The following ST8SIA6 variants were observed in gnomAD, a reference collection of about 807,000 sequenced individuals.
ST8SIA6 encodes the protein alpha-2,8-sialyltransferase 8F.
ST8SIA6 carries 39 observed loss-of-function variants against 33.6 expected under a neutral mutation model. The observed-to-expected ratio is 1.16, with a 90% CI of 0.90 to 1.52. ST8SIA6 has a LOEUF of 1.52. Among genes scored for constraint, ST8SIA6 ranks in the 40% most tolerant of loss-of-function variants. The pLI is 0.00. For synonymous variants in ST8SIA6, 172 were observed against 167.2 expected (o/e 1.03, Z -0.22); for missense variants, 441 against 443.8 (o/e 0.99, Z 0.06).
chr10:17,415,781 A>G (rs536165564), intron 2 of ST8SIA6, among the ~76,000 whole-genome samples: 1 of 149,324 alleles, frequency 6.7e-6, no homozygotes, highest in Admixed American at 6.7e-5. Flanking sequence ...CATGTTCCAA[A>G]TTCAATGGAC....
At chr10:17,404,899 A>G (rs1251545311) in intron 2 of ST8SIA6, among the ~76,000 whole-genome samples, 2 of 152,230 alleles carry the variant, frequency 1.3e-5, no homozygotes, top group Non-Finnish European at 1.5e-5. Flanking sequence ...TTGCAATTCT[A>G]TAAATTGTGC....
chr10:17,372,295 G>A (rs1223934322), intron 3 of ST8SIA6, among the ~76,000 whole-genome samples: 1 of 152,188 alleles, frequency 6.6e-6, no homozygotes, highest in Non-Finnish European at 1.5e-5. Context: ...AGGAACGTGT[G>A]TTACTATTTT....
At chr10:17,327,306 G>C (rs1848163599) in intron 5 of ST8SIA6, among the ~76,000 whole-genome samples, 180 bp from the exon 6 acceptor site, 1 of 152,198 alleles carries the variant, frequency 6.6e-6, no homozygotes, top group Non-Finnish European at 1.5e-5. Flanking sequence ...ACCAGCTGGG[G>C]CTGGGCGCAG....
chr10:17,412,961 T>C (rs1431419509), intron 2 of ST8SIA6, among the ~76,000 whole-genome samples: 1 of 152,202 alleles, frequency 6.6e-6, no homozygotes, highest in Non-Finnish European at 1.5e-5. Context: ...CTATGTACAT[T>C]ATTATGCATC....
chr10:17,445,057 T>A (rs1269685375), intron 2 of ST8SIA6, among the ~76,000 whole-genome samples: 1 of 152,162 alleles, frequency 6.6e-6, no homozygotes, highest in Non-Finnish European at 1.5e-5. Flanking sequence ...CCTTCATCTA[T>A]TTGGAGCATG....
chr10:17,400,582 A>T (rs1460551672), intron 2 of ST8SIA6, among the ~76,000 whole-genome samples: 1 of 152,002 alleles, frequency 6.6e-6, no homozygotes, highest in African/African-American at 2.4e-5. Context: ...CTTATCCACC[A>T]TGATCAAGTG....
At chr10:17,345,020 T>C (rs1210905956) in intron 4 of ST8SIA6, among the ~76,000 whole-genome samples, 1 of 145,346 alleles carries the variant, frequency 6.9e-6, no homozygotes, top group Admixed American at 6.8e-5. Context: ...TCCCATCCCA[T>C]GGAGAACTCT....
Position 17,390,525 on chromosome 10 carries a change from ACT to A in ST8SIA6, c.290+4_290+5del. 1 of 1,607,040 alleles carries A rather than the reference ACT, an allele frequency of 6.2e-7. No individual in the cohort carries two copies. The highest frequency in any genetic ancestry group is 1.1e-5 in the South Asian group (1 of 90,614). ...AAGGAAATTAAATGTGAAGAGTAGA[ACT>A]TACCCTTTCGTTTTGTTAGAGAAAG... On this transcript the variant is annotated splice_donor_5th_base_variant and intron_variant, in intron 3 of 7. Coordinates refer to ENST00000377602, the MANE Select transcript of ST8SIA6 (RefSeq NM_001004470.3).
intron 3 of ST8SIA6, among the ~76,000 whole-genome samples, chr10:17,386,534 C>G (rs1440619650): frequency 6.6e-6 from 1 of 152,090 alleles, no homozygotes; most frequent in Non-Finnish European, 1.5e-5. Context: ...GAGACTGTCT[C>G]CAAGAAAAAA....
At chr10:17,323,683 C>T (rs547093025) in intron 6 of ST8SIA6, among the ~76,000 whole-genome samples, 16 of 151,932 alleles carry the variant, frequency 1.1e-4, no homozygotes, top group African/African-American at 3.1e-4. Flanking sequence ...CTGTGCCCGG[C>T]GAAAATTACA....
intron 4 of ST8SIA6, among the ~76,000 whole-genome samples, chr10:17,342,208 G>A (rs1471502087): frequency 1.3e-5 from 2 of 152,076 alleles, no homozygotes; most frequent in Non-Finnish European, 2.9e-5. Flanking sequence ...AATTTGCAAA[G>A]TATTAAATAC....
Position 17,325,400 on chromosome 10 carries a change from ATATG to A in ST8SIA6, c.635+1610_635+1613del, listed in dbSNP as rs1394163631. On this transcript the variant is annotated intron_variant, in intron 6 of 7. Transcript: ENST00000377602. ...TATGTATTACAGTATACGACAGTAT[ATATG>A]TGATTATATATATTACTACTACTGT... Among the ~76,000 whole-genome samples the A allele has an allele frequency of 2.0e-5, 3 of 146,692 alleles. No individual in the cohort carries two copies. In the Admixed American group the frequency reaches 2.1e-4, roughly 10 times the overall value.
chr10:17,327,002 G>T lies in ST8SIA6; in HGVS notation c.635+12C>A. 6.4e-7 allele frequency: 1 copy of T among 1,568,978 alleles called. No homozygotes were observed. The highest frequency in any genetic ancestry group is 8.7e-7 in the Non-Finnish European group (1 of 1,153,492). On this transcript the variant is annotated intron_variant, in intron 6 of 7. Transcript: ENST00000377602. ...TCTATTGTTTCAAAGAAACCAATTT[G>T]TCAGGTCTTACCTAAAAACGAAGTC...
intron 2 of ST8SIA6, among the ~76,000 whole-genome samples, chr10:17,430,123 C>T (rs1852058171): frequency 6.6e-6 from 1 of 152,150 alleles, no homozygotes; most frequent in East Asian, 1.9e-4. Flanking sequence ...CATAGCTTAG[C>T]TCCCATTTAT....
intron 4 of ST8SIA6, among the ~76,000 whole-genome samples, chr10:17,339,247 T>G (rs1848600544): frequency 6.6e-6 from 1 of 152,180 alleles, no homozygotes; most frequent in African/African-American, 2.4e-5. Context: ...CATGAAGTGT[T>G]AACAACTACT....
At chr10:17,375,750 AGTTACAGGGCAGTG>A (rs1188963247) in intron 3 of ST8SIA6, among the ~76,000 whole-genome samples, 20 of 152,220 alleles carry the variant, frequency 1.3e-4, no homozygotes, top group Non-Finnish European at 1.5e-5. Flanking sequence ...TTGTGCAGAA[AGTTACAGGGCAGTG>A]GCTTACATGC....
intron 7 of ST8SIA6, among the ~76,000 whole-genome samples, chr10:17,322,258 A>C (rs6602189): frequency 0.089 from 13,393 of 150,938 alleles, 1,102 homozygotes; most frequent in African/African-American, 0.22. Flanking sequence ...GAAAGGAAAA[A>C]GAGAGAAAGA....
chr10:17,394,315 ACT>A, intron 2 of ST8SIA6, among the ~76,000 whole-genome samples: 1 of 149,840 alleles, frequency 6.7e-6, no homozygotes, highest in East Asian at 2.0e-4. Context: ...TCTGGGCTCC[ACT>A]CTCTGACTTT....
chr10:17,321,179 A>G lies in ST8SIA6; in HGVS notation c.896T>C (p.Phe299Ser). 1.2e-6 allele frequency: 2 copies of G among 1,614,096 alleles called. No individual in the cohort carries two copies. Among genetic ancestry groups the G allele is most frequent in the Non-Finnish European group, 1.7e-6 (2 of 1,179,992 alleles). ...ESKARQKVLF[F>S]HPKYLKDLAL... ...CAGATCTTTCAGGTACTTGGGATGG[A>G]AAAATAGAACCTTTTGTCTTGCTTT... The change falls in exon 8 of 8, where the codon TTC becomes TCC. Residue 299 changes from phenylalanine to serine, a missense_variant. By Grantham distance (155) the Phe-to-Ser change is radical (BLOSUM62 -2). Transcript: ENST00000377602.
Sources: allele counts gnomAD v4.1 joint callset (sites outside exome capture counted in the v4.1 genomes callset), GRCh38; gene constraint gnomAD v4.1.1; transcripts MANE v1.5; gene names NCBI Gene and HGNC (gene_info 2026-07-23, HGNC 2026-07-21).